ARHGAP10: variants seen among roughly 807,000 people sequenced by gnomAD.
The protein encoded by ARHGAP10 is rho GTPase-activating protein 10.
Under a neutral mutation model 108.6 loss-of-function variants are expected in ARHGAP10, and 87 were observed. The ratio of observed to expected loss-of-function variants is 0.80; its 90% confidence interval spans 0.67 to 0.96. The LOEUF is 0.96. ARHGAP10 is among the 40% of genes least tolerant of loss of function. The pLI is 0.00. For missense variants in ARHGAP10, 939 were observed against 954.5 expected (o/e 0.98, Z 0.21); for synonymous variants, 347 against 341.1 (o/e 1.02, Z -0.19).
chr4:147,886,826 A>G (rs1054652792), intron 10 of ARHGAP10, among the ~76,000 whole-genome samples: 10 of 152,274 alleles, frequency 6.6e-5, no homozygotes, highest in African/African-American at 2.2e-4. Context: ...GCTGGAGGGC[A>G]GTGGCACCAT....
At chr4:148,043,051 C>G (rs912021667) in intron 19 of ARHGAP10, among the ~76,000 whole-genome samples, 9 of 152,050 alleles carry the variant, frequency 5.9e-5, no homozygotes, top group Non-Finnish European at 7.4e-5. Flanking sequence ...TGGTCTGCAC[C>G]CTGACAAAAT....
intron 18 of ARHGAP10, among the ~76,000 whole-genome samples, chr4:147,976,083 A>G (rs1578750790): frequency 6.6e-6 from 1 of 152,300 alleles, no homozygotes. Context: ...TACAAACACA[A>G]TATATGTCCT....
At chr4:147,832,910 T>C (rs910066676) in intron 3 of ARHGAP10, among the ~76,000 whole-genome samples, 3 of 152,184 alleles carry the variant, frequency 2.0e-5, no homozygotes, top group Admixed American at 6.5e-5. Flanking sequence ...TTTTACTCTT[T>C]GGACAACTGT....
At chr4:148,037,460 G>A (rs562442792) in intron 19 of ARHGAP10, among the ~76,000 whole-genome samples, 1 of 152,306 alleles carries the variant, frequency 6.6e-6, no homozygotes, top group African/African-American at 2.4e-5. Flanking sequence ...CAGGGAGTAA[G>A]TAGGATACTT....
intron 10 of ARHGAP10, among the ~76,000 whole-genome samples, chr4:147,895,701 A>T (rs936075071): frequency 1.3e-5 from 2 of 151,022 alleles, no homozygotes; most frequent in Non-Finnish European, 3.0e-5. Context: ...AAAAAAAAAG[A>T]CAGCTTTATT....
rs140084924 is a variant in ARHGAP10, at chr4:147,967,849, A to G, written c.1716+1010A>G. ...CTGAGGGCCTCTTGTAAGTGGCTGC[A>G]TAGCCATGCGTATTCTGTTAAATTT... On this transcript the variant is annotated intron_variant, in intron 18 of 22. Transcript: ENST00000336498. Among the ~76,000 whole-genome samples the G allele has an allele frequency of 4.8e-3, 735 of 152,162 alleles. 6 individuals carry two copies. Among genetic ancestry groups the G allele is most frequent in the African/African-American group, 0.017 (702 of 41,384 alleles).
intron 10 of ARHGAP10, among the ~76,000 whole-genome samples, chr4:147,902,855 C>A (rs1348129013): frequency 1.7e-5 from 2 of 117,944 alleles, no homozygotes; most frequent in African/African-American, 6.5e-5. Context: ...TGGCAGAAGG[C>A]AAAGGGGAAG....
At position 147,904,242 on chromosome 4, in the gene ARHGAP10, A is replaced by T. The variant is rs574800169; in HGVS notation, c.1035-2396A>T. 5.3e-5 allele frequency among the ~76,000 whole-genome samples: 8 copies of T among 151,730 alleles called. No homozygotes were observed. In the South Asian group the frequency reaches 1.7e-3, roughly 32 times the overall value. Reference sequence around the variant, plus strand: ...TCTTTCTTTCTTTCTTTATTTTATTATTATTATACTTTAAGTTTTAGGGTA... The same window carrying T: ...TCTTTCTTTCTTTCTTTATTTTATTTTTATTATACTTTAAGTTTTAGGGTA... On this transcript the variant is annotated intron_variant, in intron 10 of 22. Transcript: ENST00000336498.
intron 4 of ARHGAP10, among the ~76,000 whole-genome samples, 188 bp from the exon 5 acceptor site, chr4:147,857,365 T>C (rs1041767859): frequency 1.3e-5 from 2 of 152,228 alleles, no homozygotes; most frequent in Non-Finnish European, 2.9e-5. Context: ...GTGTCTCTTC[T>C]ATCCTAATGC....
chr4:147,813,449 A>G (rs567517851), intron 1 of ARHGAP10, among the ~76,000 whole-genome samples: 122 of 152,318 alleles, frequency 8.0e-4, no homozygotes, highest in Non-Finnish European at 1.3e-3. Flanking sequence ...AGCCAAGCCA[A>G]TTTGATTCTC....
At chr4:147,881,365 C>T (rs1579154811) in intron 9 of ARHGAP10, among the ~76,000 whole-genome samples, 2 of 151,744 alleles carry the variant, frequency 1.3e-5, no homozygotes, top group African/African-American at 2.4e-5. Context: ...TGGCTGGGCG[C>T]GGTGGCTCAC....
At chr4:147,830,512 CTTTTTTTT>C (rs56946602) in intron 3 of ARHGAP10, among the ~76,000 whole-genome samples, 81 of 102,250 alleles carry the variant, frequency 7.9e-4, no homozygotes, top group Admixed American at 8.1e-4. Context: ...ACCACAATTC[CTTTTTTTT>C]TTTTTTTTTT....
chr4:147,805,034 A>G (rs1731726700), intron 1 of ARHGAP10, among the ~76,000 whole-genome samples: 1 of 152,204 alleles, frequency 6.6e-6, no homozygotes, highest in Admixed American at 6.5e-5. Flanking sequence ...CATCTTCATC[A>G]TGAAATCTTG....
chr4:147,886,774 C>A (rs1267633043), intron 10 of ARHGAP10, among the ~76,000 whole-genome samples: 2 of 152,008 alleles, frequency 1.3e-5, no homozygotes, highest in Non-Finnish European at 2.9e-5. Context: ...TTTTCTTTTT[C>A]TTTTTCTTTT....
chr4:148,069,043 T>C (rs1230188941), intron 22 of ARHGAP10, among the ~76,000 whole-genome samples: 1 of 151,996 alleles, frequency 6.6e-6, no homozygotes, highest in Non-Finnish European at 1.5e-5. Context: ...TCTCCACCCA[T>C]AAGAATGGAA....
At chr4:147,772,274 C>T (rs542094475) in intron 1 of ARHGAP10, among the ~76,000 whole-genome samples, 5 of 152,328 alleles carry the variant, frequency 3.3e-5, no homozygotes, top group African/African-American at 9.6e-5. Context: ...AGCTCCCTCT[C>T]CCTAGGTTCC....
intron 18 of ARHGAP10, 141 bp from the exon 19 acceptor site, chr4:148,023,122 C>A (rs1229521338): frequency 1.2e-6 from 1 of 834,146 alleles, no homozygotes; most frequent in African/African-American, 1.7e-5. Context: ...GACCTCTTCC[C>A]TTCATTGGAA....
chr4:147,921,406 C>T (rs183843898), intron 13 of ARHGAP10, among the ~76,000 whole-genome samples: 10 of 152,226 alleles, frequency 6.6e-5, no homozygotes, highest in Admixed American at 2.6e-4. Flanking sequence ...CTGCTTTAGA[C>T]GATGAGAGAT....
At chr4:147,885,476 C>T in intron 10 of ARHGAP10, among the ~76,000 whole-genome samples, 1 of 152,164 alleles carries the variant, frequency 6.6e-6, no homozygotes, top group African/African-American at 2.4e-5. Context: ...CCACCAGGTC[C>T]CTCCCACAAC....
Sources: gnomAD v4.1 joint callset for allele counts (sites outside exome capture counted in the v4.1 genomes callset) on GRCh38, gnomAD v4.1.1 for gene constraint, MANE v1.5 for transcripts, NCBI Gene and HGNC (gene_info 2026-07-23, HGNC 2026-07-21) for gene names.